The following CNDP1 variants were observed in gnomAD, a reference collection of about 807,000 sequenced individuals.
The protein encoded by CNDP1 is carnosine dipeptidase 1.
CNDP1 carries 44 observed loss-of-function variants against 58.1 expected under a neutral mutation model. The observed-to-expected ratio is 0.76, with a 90% confidence interval of 0.60 to 0.97. The LOEUF is 0.97. Ranked by LOEUF, CNDP1 falls within the 50% of genes least tolerant of loss-of-function variation. The pLI is 0.00. For missense variants in CNDP1, 616 were observed against 655.1 expected (o/e 0.94, Z 0.65); for synonymous variants, 254 against 252.6 (o/e 1.01, Z -0.05).
rs542347196 is a variant in CNDP1, at chr18:74,576,675, G to A, written c.842-194G>A. 1.0e-5 allele frequency: 5 copies of A among 483,544 alleles called. No individual in the cohort carries two copies. In the East Asian group the frequency reaches 1.3e-4, roughly 13 times the overall value. The allele number at this position is 483,544 out of a possible 1,614,324, so 30.0% of individuals were successfully genotyped here. The stretch of plus-strand genomic sequence containing the variant: ...AAAGCAGGGCGGACTCCAGCTGCGT[G>A]ATCCTGGTGACCAACTCCTTTCTCT... On this transcript the variant is annotated intron_variant, in intron 7 of 11. Coordinates refer to ENST00000358821, the MANE Select transcript of CNDP1 (RefSeq NM_032649.6).
At position 74,576,598 on chromosome 18, in the gene CNDP1, A is replaced by C. The variant is rs546162957; in HGVS notation, c.842-271A>C. 8 of 368,084 alleles carry C rather than the reference A, an allele frequency of 2.2e-5. No homozygotes were observed. The South Asian group carries it at 8.0e-4, about 37-fold the overall frequency. 22.8% of individuals were successfully genotyped at this position (368,084 alleles called of 1,614,324 possible). A position where few individuals can be genotyped will look rare whatever the true frequency, so the allele number is the denominator to read the frequency against. Reference sequence around the variant, plus strand: ...GATGCAGGTAACTCACTCCGACCTCATTTGTTGCAGGCCCAGGTGTTTTCA... The same window carrying C: ...GATGCAGGTAACTCACTCCGACCTCCTTTGTTGCAGGCCCAGGTGTTTTCA... On this transcript the variant is annotated intron_variant, in intron 7 of 11. Transcript: ENST00000358821.
At chr18:74,579,625 A>C (rs1289709280) in intron 9 of CNDP1, among the ~76,000 whole-genome samples, 9 of 152,282 alleles carry the variant, frequency 5.9e-5, no homozygotes, top group East Asian at 1.9e-4. Context: ...GCAGGAGGGG[A>C]GAGAACGAGG....
rs553262380 is a variant in CNDP1 at position 74,545,157 on chromosome 18, C to T, written c.24+10466C>T. On this transcript the variant is annotated intron_variant, in intron 1 of 11. Coordinates refer to ENST00000358821, the MANE Select transcript of CNDP1 (RefSeq NM_032649.6). The surrounding 1 kb of genome is among the most constrained non-coding windows in gnomAD (Gnocchi z 4.1). Reference sequence around the variant, plus strand: ...GGAGAATAAAGTCCTGGTGTTTGGCCCCCGGTTTGGGATGCTTTGTTCCAG... The same window carrying T: ...GGAGAATAAAGTCCTGGTGTTTGGCTCCCGGTTTGGGATGCTTTGTTCCAG... 2.0e-5 allele frequency among the ~76,000 whole-genome samples: 3 copies of T among 152,172 alleles called. No homozygotes were observed. The highest frequency in any genetic ancestry group is 2.1e-4 in the South Asian group (1 of 4,816).
intron 1 of CNDP1, among the ~76,000 whole-genome samples, chr18:74,547,793 G>A (rs1980800698): frequency 6.6e-6 from 1 of 152,224 alleles, no homozygotes; most frequent in African/African-American, 2.4e-5. Context: ...TCGCTTCGGG[G>A]GAAGGACAGG....
chr18:74,583,944 G>A (rs940601019), intron 11 of CNDP1: 11 of 520,950 alleles, frequency 2.1e-5, no homozygotes, highest in African/African-American at 1.3e-4. Context: ...CCCTGCGATG[G>A]TGGGGTTAGG....
chr18:74,554,893 T>G (rs1223650643), intron 1 of CNDP1, among the ~76,000 whole-genome samples: 2 of 152,172 alleles, frequency 1.3e-5, no homozygotes, highest in Non-Finnish European at 2.9e-5. Context: ...AAGTGAAATA[T>G]TCAACCAACT....
At chr18:74,546,477 C>T (rs562015431) in intron 1 of CNDP1, among the ~76,000 whole-genome samples, 3 of 152,244 alleles carry the variant, frequency 2.0e-5, no homozygotes, top group South Asian at 2.1e-4. Context: ...TGGGCTGTGA[C>T]GTGCCAGATG....
chr18:74,577,061 G>A, intron 8 of CNDP1, 32 bp downstream of exon 8: 1 of 1,580,956 alleles, frequency 6.3e-7, no homozygotes, highest in South Asian at 1.2e-5. Context: ...TAAGCTGGAA[G>A]AGGCATGAGG....
intron 5 of CNDP1, among the ~76,000 whole-genome samples, chr18:74,564,012 C>T (rs1427971616): frequency 1.3e-5 from 2 of 152,200 alleles, no homozygotes; most frequent in African/African-American, 4.8e-5. Flanking sequence ...CACACAGAAA[C>T]ACAAGGGATA....
chr18:74,575,382 G>C (rs1486230350), intron 7 of CNDP1, among the ~76,000 whole-genome samples: 3 of 152,224 alleles, frequency 2.0e-5, no homozygotes, highest in African/African-American at 7.2e-5. Flanking sequence ...GAAGTTTAGG[G>C]ACATATGCTC....
chr18:74,571,235 T>C lies in CNDP1; in HGVS notation c.806T>C (p.Leu269Pro). ...DFHSGTFGGI[L>P]HEPMADLVAL... Reference sequence around the variant, plus strand: ...CACTCAGGAACCTTTGGTGGCATCCTTCATGAACCAATGGCTGATCTGGTT... The same window carrying C: ...CACTCAGGAACCTTTGGTGGCATCCCTCATGAACCAATGGCTGATCTGGTT... The change falls in exon 7 of 12, where the codon CTT becomes CCT. Residue 269 changes from leucine (L) to proline (P), a missense_variant. Leu to Pro is a moderately conservative substitution (Grantham distance 98). Transcript: ENST00000358821. The C allele has an allele frequency of 6.2e-7, 1 of 1,613,576 alleles. No homozygotes were observed. The highest frequency in any genetic ancestry group is 8.5e-7 in the Non-Finnish European group (1 of 1,179,510).
rs1981924716 is a variant in CNDP1, at chr18:74,586,804, A to T, written c.*2242A>T. On this transcript the variant is annotated 3_prime_UTR_variant, in exon 12 of 12. Transcript: ENST00000358821. ...CAGACCCTACCCTGACGTGGGAGTCAGAAAGGAGTATCTTCCAAGCTCCTT... is the reference window on the plus strand; with the variant it reads ...CAGACCCTACCCTGACGTGGGAGTCTGAAAGGAGTATCTTCCAAGCTCCTT... 6.6e-6 allele frequency: 1 copy of T among 152,248 alleles called. No individual in the cohort carries two copies. Among genetic ancestry groups the T allele is most frequent in the Non-Finnish European group, 1.5e-5 (1 of 68,054 alleles). The allele number at this position is 152,248 out of a possible 1,614,324, so 9.4% of individuals were successfully genotyped here.
intron 5 of CNDP1, among the ~76,000 whole-genome samples, chr18:74,565,792 G>T (rs991821803): frequency 5.3e-5 from 8 of 152,176 alleles, no homozygotes; most frequent in Admixed American, 5.2e-4. Context: ...CCATTCTGGG[G>T]TCTGGAGGAC....
At chr18:74,552,650 A>T (rs545208175) in intron 1 of CNDP1, among the ~76,000 whole-genome samples, 2 of 152,258 alleles carry the variant, frequency 1.3e-5, no homozygotes, top group Non-Finnish European at 2.9e-5. Context: ...ATTTCAGTGA[A>T]ATATACCACA....
intron 1 of CNDP1, among the ~76,000 whole-genome samples, chr18:74,550,973 C>T (rs900605181): frequency 1.1e-4 from 17 of 152,152 alleles, no homozygotes; most frequent in East Asian, 7.8e-4. Context: ...AGTTTGGATA[C>T]GTGTCCCCGC....
In CNDP1 at chr18:74,567,131, C is replaced by T. The variant is rs146416164; in HGVS notation, c.556-102C>T. On this transcript the variant is annotated intron_variant, in intron 5 of 11. Coordinates refer to ENST00000358821, the MANE Select transcript of CNDP1 (RefSeq NM_032649.6). Reference sequence around the variant, plus strand: ...CCTCCCCCTGGGTCCCTCCACAACACGTGGGAATTCTGGGAGATACAATTC... The same window carrying T: ...CCTCCCCCTGGGTCCCTCCACAACATGTGGGAATTCTGGGAGATACAATTC... 464 of 920,464 alleles carry T rather than the reference C, an allele frequency of 5.0e-4. 1 individual carries two copies. In the East Asian group the frequency reaches 0.011, roughly 22 times the overall value. 57.0% of individuals were successfully genotyped at this position (920,464 alleles called of 1,614,324 possible). A position where few individuals can be genotyped will look rare whatever the true frequency, so the allele number is the denominator to read the frequency against.
intron 1 of CNDP1, among the ~76,000 whole-genome samples, chr18:74,548,826 G>C (rs1477861827): frequency 2.0e-5 from 3 of 152,230 alleles, no homozygotes; most frequent in South Asian, 4.1e-4. Context: ...CTGGAGCAAA[G>C]CTCACCCATG....
chr18:74,542,096 T>G (rs913510433), intron 1 of CNDP1, among the ~76,000 whole-genome samples: 2 of 152,170 alleles, frequency 1.3e-5, no homozygotes, highest in Non-Finnish European at 2.9e-5. Flanking sequence ...CGCGTTTGCA[T>G]GTTTCAGTTT....
intron 4 of CNDP1, chr18:74,561,549 A>G (rs1278768363): frequency 1.3e-5 from 2 of 156,434 alleles, no homozygotes; most frequent in Non-Finnish European, 2.8e-5. Flanking sequence ...TTGAGTTGTG[A>G]GGAAAACAGT....
Sources: gnomAD v4.1 joint callset for allele counts (sites outside exome capture counted in the v4.1 genomes callset) on GRCh38, gnomAD v4.1.1 for gene constraint, Gnocchi (gnomAD v3.1) non-coding constraint, MANE v1.5 for transcripts, NCBI Gene and HGNC (gene_info 2026-07-23, HGNC 2026-07-21) for gene names.